Variants in CLMN observed in about 807,000 individuals in gnomAD.
CLMN encodes the protein calmin (calponin-like, transmembrane).
CLMN carries 57 observed loss-of-function variants against 92.7 expected under a neutral mutation model. The ratio of observed to expected loss-of-function variants is 0.61; its 90% CI spans 0.50 to 0.77. The LOEUF is 0.77. Ranked by LOEUF, CLMN falls within the 30% of genes least tolerant of loss-of-function variation. The probability of loss-of-function intolerance (pLI) is 0.00; values close to 1 mark genes in which losing one functional copy is unlikely to be tolerated. For missense variants in CLMN, 1,158 were observed against 1,237.5 expected (o/e 0.94, Z 0.96); for synonymous variants, 466 against 470.6 (o/e 0.99, Z 0.13).
chr14:95,253,293 G>A (rs1055494556), intron 1 of CLMN, among the ~76,000 whole-genome samples: 28 of 152,164 alleles, frequency 1.8e-4, no homozygotes, highest in Admixed American at 1.7e-3. Flanking sequence ...GACTCACAGC[G>A]CTTACCCCTC....
chr14:95,247,708 A>G (rs563857399), intron 1 of CLMN, among the ~76,000 whole-genome samples: 1 of 152,204 alleles, frequency 6.6e-6, no homozygotes, highest in African/African-American at 2.4e-5. Flanking sequence ...AATGTGGTCA[A>G]TGGATCAGGG....
chr14:95,316,225 G>A (rs1201245305), intron 1 of CLMN, among the ~76,000 whole-genome samples: 1 of 152,192 alleles, frequency 6.6e-6, no homozygotes, highest in African/African-American at 2.4e-5. Context: ...AAGGAAGCAG[G>A]GACCACCTGG....
At chr14:95,207,420 T>C (rs963300324) in intron 8 of CLMN, among the ~76,000 whole-genome samples, 1 of 152,218 alleles carries the variant, frequency 6.6e-6, no homozygotes, top group African/African-American at 2.4e-5. Flanking sequence ...GGTTACATTA[T>C]TATTAACTAT....
intron 1 of CLMN, among the ~76,000 whole-genome samples, chr14:95,244,148 G>A (rs1898369601): frequency 6.6e-6 from 1 of 152,264 alleles, no homozygotes; most frequent in Non-Finnish European, 1.5e-5. Flanking sequence ...GCAGAACCAT[G>A]AGCCAATTAA....
intron 1 of CLMN, among the ~76,000 whole-genome samples, chr14:95,253,145 T>C (rs534830367): frequency 6.6e-6 from 1 of 152,192 alleles, no homozygotes; most frequent in East Asian, 1.9e-4. Context: ...CCTCCTGAGC[T>C]CCATGCCCAC....
chr14:95,288,360 C>G (rs1900423935), intron 1 of CLMN, among the ~76,000 whole-genome samples: 1 of 152,090 alleles, frequency 6.6e-6, no homozygotes. Flanking sequence ...CTAAGAGAAG[C>G]CTTAAAGAGG....
chr14:95,276,942 G>T (rs974048952), intron 1 of CLMN, among the ~76,000 whole-genome samples: 1 of 62,886 alleles, frequency 1.6e-5, no homozygotes, highest in South Asian at 5.2e-4. Context: ...AAGTGAAAAA[G>T]ATGATTTTTT....
rs777222696 is a variant in CLMN at position 95,196,546 on chromosome 14, G to C, written c.2660C>G (p.Ser887Cys). Residue 887 changes from serine (S) to cysteine (C), a missense_variant, in exon 10 of 13, where the codon TCC (serine) becomes TGC (cysteine). Transcript: ENST00000298912. ...ACTGTCTTCTTCTAGGTCATCTGAG[G>C]ATTGAACACTTCCTGGTGCTACAAA... is the stretch of plus-strand genomic sequence containing the variant. ...SLFVAPGSVQ[S>C]SDDLEEDSSD... is the part of the protein sequence containing the mutation. 8.7e-6 allele frequency: 14 copies of C among 1,614,146 alleles called. No homozygotes were observed. The highest frequency in any genetic ancestry group is 1.1e-5 in the Non-Finnish European group (13 of 1,180,024).
At chr14:95,227,180 A>C (rs1418091808) in intron 2 of CLMN, among the ~76,000 whole-genome samples, 1 of 152,084 alleles carries the variant, frequency 6.6e-6, no homozygotes. Context: ...CCTGTGGGAA[A>C]GCCTCCTTCC....
intron 8 of CLMN, among the ~76,000 whole-genome samples, chr14:95,208,189 A>G (rs994685610): frequency 6.6e-6 from 1 of 152,094 alleles, no homozygotes; most frequent in Admixed American, 6.5e-5. Flanking sequence ...GTTTTTGCTC[A>G]CTTATAACTG....
At chr14:95,282,315 G>T (rs1950618) in intron 1 of CLMN, among the ~76,000 whole-genome samples, 14,994 of 152,000 alleles carry the variant, frequency 0.099, 827 homozygotes, top group African/African-American at 0.14. Context: ...ACATCTCTCT[G>T]GCAGCATATG....
At chr14:95,247,904 AAG>A (rs1442371247) in intron 1 of CLMN, among the ~76,000 whole-genome samples, 6 of 152,172 alleles carry the variant, frequency 3.9e-5, no homozygotes, top group Admixed American at 3.3e-4. Context: ...GAGAGAGAAA[AAG>A]AGAGAGAAGG....
At position 95,194,459 on chromosome 14, in the gene CLMN, G is replaced by A. The variant is rs947558788; in HGVS notation, c.2769+77C>T. On this transcript the variant is annotated intron_variant, in intron 11 of 12. Coordinates refer to ENST00000298912, the MANE Select transcript of CLMN (RefSeq NM_024734.4). The surrounding 1 kb of genome is among the most constrained non-coding windows in gnomAD (Gnocchi z 4.0). ...TGCATGCCAGTAATTTCAAAGCTCT[G>A]GGCTGGGGAGGAGGAAGGATGGAAA... 16 of 1,610,186 alleles carry A rather than the reference G, an allele frequency of 9.9e-6. No homozygotes were observed. The highest frequency in any genetic ancestry group is 7.7e-5 in the South Asian group (7 of 90,646).
rs1468845578 is a variant in CLMN at position 95,221,749 on chromosome 14, T to C, written c.266A>G (p.His89Arg). ...NLLHEYKSSSHRIFRLNNIAK... is the reference protein window; with the variant it reads ...NLLHEYKSSSRRIFRLNNIAK... ...TATGTTGTTCAACCGAAAAATACGA[T>C]GCGACGAGGATTTGTATTCGTGCAG... The change falls in exon 4 of 13, where the codon CAT becomes CGT. Residue 89 changes from histidine to arginine, a missense_variant. Coordinates refer to ENST00000298912, the MANE Select transcript of CLMN (RefSeq NM_024734.4). The C allele has an allele frequency of 3.1e-6, 5 of 1,614,100 alleles. No homozygotes were observed. The highest frequency in any genetic ancestry group is 2.2e-5 in the South Asian group (2 of 91,084).
intron 1 of CLMN, among the ~76,000 whole-genome samples, chr14:95,293,760 C>T (rs991535223): frequency 1.3e-5 from 2 of 149,176 alleles, no homozygotes; most frequent in African/African-American, 2.5e-5. Context: ...CCTGGCTGAG[C>T]TGTCCTGTGA....
At chr14:95,196,797 C>A in intron 9 of CLMN, 103 bp from the exon 10 acceptor site, 1 of 1,090,654 alleles carries the variant, frequency 9.2e-7, no homozygotes, top group East Asian at 2.5e-5. Flanking sequence ...CAGGGCGTCC[C>A]TTCCAATTCT....
intron 1 of CLMN, among the ~76,000 whole-genome samples, chr14:95,316,264 T>C (rs1469347871): frequency 6.6e-6 from 1 of 152,214 alleles, no homozygotes; most frequent in Admixed American, 6.5e-5. Flanking sequence ...TGCAATTCCA[T>C]CTTCTCTTCT....
At position 95,190,712 on chromosome 14, in the gene CLMN, A is replaced by T. The variant is rs573211401; in HGVS notation, c.*852T>A. 1 of 152,208 alleles carries T rather than the reference A, an allele frequency of 6.6e-6. No individual in the cohort carries two copies. Among genetic ancestry groups the T allele is most frequent in the Non-Finnish European group, 1.5e-5 (1 of 68,054 alleles). 9.4% of individuals were successfully genotyped at this position (152,208 alleles called of 1,614,324 possible). ...TGAGGGAGGTGTGCACCAAAGCTTT[A>T]GTGGGCAGGAAGCTACCCCACCACC... On this transcript the variant is annotated 3_prime_UTR_variant, in exon 13 of 13. Transcript: ENST00000298912.
At chr14:95,315,672 A>G (rs75516978) in intron 1 of CLMN, among the ~76,000 whole-genome samples, 7,053 of 152,282 alleles carry the variant, frequency 0.046, 782 homozygotes, top group East Asian at 0.45. Context: ...CTACGCAGTC[A>G]AGTTTCTGCT....
Sources: allele counts gnomAD v4.1 joint callset (sites outside exome capture counted in the v4.1 genomes callset), GRCh38; gene constraint gnomAD v4.1.1; non-coding constraint Gnocchi (gnomAD v3.1); transcripts MANE v1.5; gene names NCBI Gene and HGNC (gene_info 2026-07-23, HGNC 2026-07-21).